GAS7: variants seen among roughly 807,000 people sequenced by gnomAD.
GAS7 encodes the protein growth arrest specific 7.
A neutral mutation model predicts 71.1 loss-of-function variants in GAS7; 28 were observed. That is an observed-to-expected ratio of 0.39 (90% CI 0.29 to 0.54). The LOEUF (loss-of-function observed/expected upper bound fraction) is 0.54, where lower values mean the gene tolerates loss of function less well. Ranked by LOEUF, GAS7 falls within the 20% of genes least tolerant of loss-of-function variation. The probability of loss-of-function intolerance (pLI) is 0.62; values close to 1 mark genes in which losing one functional copy is unlikely to be tolerated. For missense variants in GAS7, 436 were observed against 627.8 expected, an observed-to-expected ratio of 0.69 and a Z score of 3.27; for synonymous variants, 258 against 245.8, an observed-to-expected ratio of 1.05 and a Z score of -0.46.
chr17:9,982,796 AGGAAAGAAAGGAAAGAAAG>A (rs1372211238), intron 2 of GAS7, among the ~76,000 whole-genome samples: 4 of 81,220 alleles, frequency 4.9e-5, no homozygotes, highest in African/African-American at 3.0e-4. Flanking sequence ...AAAGAAAGAA[AGGAAAGAAAGGAAAGAAAG>A]GAAAGAAAGG....
At chr17:10,012,459 TG>T (rs2071813178) in intron 2 of GAS7, among the ~76,000 whole-genome samples, 1 of 151,858 alleles carries the variant, frequency 6.6e-6, no homozygotes, top group Admixed American at 6.6e-5. Flanking sequence ...GGCTAATTTT[TG>T]TATTTTTAAT....
intron 2 of GAS7, among the ~76,000 whole-genome samples, chr17:9,994,247 A>G (rs2070950326): frequency 6.6e-6 from 1 of 150,674 alleles, no homozygotes; most frequent in South Asian, 2.1e-4. Flanking sequence ...AAAAGAACAA[A>G]GCTGGAGGCA....
At chr17:9,980,065 A>G (rs1258528707) in intron 3 of GAS7, among the ~76,000 whole-genome samples, 1 of 149,624 alleles carries the variant, frequency 6.7e-6, no homozygotes, top group Non-Finnish European at 1.5e-5. Flanking sequence ...TTATTTTTTT[A>G]AAAATTTAAT....
chr17:10,165,112 G>A (rs759281847), intron 1 of GAS7, among the ~76,000 whole-genome samples: 1 of 147,388 alleles, frequency 6.8e-6, no homozygotes, highest in Non-Finnish European at 1.5e-5. Context: ...GTGAAACCCC[G>A]TCTCTACTAA....
At chr17:10,148,454 C>CAA (rs34252972) in intron 1 of GAS7, among the ~76,000 whole-genome samples, 6 of 141,938 alleles carry the variant, frequency 4.2e-5, no homozygotes, top group African/African-American at 1.3e-4. Context: ...ACTAAAATTA[C>CAA]AAAAAAAAAA....
intron 1 of GAS7, among the ~76,000 whole-genome samples, chr17:10,073,888 T>C (rs1001411262): frequency 2.0e-5 from 3 of 152,232 alleles, no homozygotes; most frequent in African/African-American, 7.2e-5. Flanking sequence ...TGTTTTCCCA[T>C]AGCCATTGAG....
chr17:10,009,522 T>C (rs909866373), intron 2 of GAS7, among the ~76,000 whole-genome samples: 5 of 152,032 alleles, frequency 3.3e-5, no homozygotes, highest in Admixed American at 2.6e-4. Flanking sequence ...ATAACACATT[T>C]ATAGATATAG....
intron 1 of GAS7, among the ~76,000 whole-genome samples, chr17:10,067,824 A>T (rs1483149632): frequency 6.6e-6 from 1 of 152,188 alleles, no homozygotes; most frequent in Non-Finnish European, 1.5e-5. Flanking sequence ...CTGTAAGTCT[A>T]AACAGAGGCT....
rs138245115 is a variant in GAS7, at chr17:10,102,692, G to A, written c.184-82795C>T. Among the ~76,000 whole-genome samples, 23 of 151,894 alleles carry A rather than the reference G, an allele frequency of 1.5e-4. 1 individual carries two copies. In the East Asian group the frequency reaches 4.5e-3, roughly 29 times the overall value. On this transcript the variant is annotated intron_variant, in intron 1 of 13. Coordinates refer to ENST00000432992, the MANE Select transcript of GAS7 (RefSeq NM_201433.2). Reference sequence around the variant, plus strand: ...GAGATTTTTTAAAGTAGGGTACCCAGGACACACTCTATACCAATTAATTCA... The same window carrying A: ...GAGATTTTTTAAAGTAGGGTACCCAAGACACACTCTATACCAATTAATTCA...
intron 1 of GAS7, among the ~76,000 whole-genome samples, chr17:10,197,683 C>T (rs901419811): frequency 6.6e-6 from 1 of 151,004 alleles, no homozygotes; most frequent in Admixed American, 6.6e-5. Flanking sequence ...GGGCTGGTGG[C>T]CAGCAGGCTC....
intron 1 of GAS7, among the ~76,000 whole-genome samples, chr17:10,172,533 G>GA (rs575581440): frequency 4.0e-5 from 6 of 151,452 alleles, no homozygotes; most frequent in South Asian, 2.1e-4. Flanking sequence ...AAAAGAAGAA[G>GA]AAAAAAAAAG....
intron 5 of GAS7, among the ~76,000 whole-genome samples, chr17:9,948,664 CAG>C (rs2068883454): frequency 6.6e-6 from 1 of 150,546 alleles, no homozygotes; most frequent in South Asian, 2.1e-4. Context: ...GCCTGGGTGA[CAG>C]AGTGAGACTC....
chr17:10,163,235 T>C (rs2142121382), intron 1 of GAS7, among the ~76,000 whole-genome samples: 1 of 152,216 alleles, frequency 6.6e-6, no homozygotes, highest in South Asian at 2.1e-4. Flanking sequence ...CTCAGCCTCC[T>C]GAGGAGCTGG....
chr17:10,005,805 C>G (rs1261044530), intron 2 of GAS7, among the ~76,000 whole-genome samples: 1 of 152,126 alleles, frequency 6.6e-6, no homozygotes, highest in African/African-American at 2.4e-5. Flanking sequence ...ACCTTGCCTG[C>G]CTGCCACCTC....
intron 3 of GAS7, among the ~76,000 whole-genome samples, chr17:9,971,388 A>G (rs2069955708): frequency 2.0e-5 from 3 of 152,188 alleles, no homozygotes; most frequent in African/African-American, 7.2e-5. Flanking sequence ...GTGAGACCTC[A>G]TCTCTACAAA....
intron 2 of GAS7, among the ~76,000 whole-genome samples, chr17:10,011,975 C>CAAAA (rs559918563): frequency 5.7e-5 from 5 of 87,024 alleles, no homozygotes; most frequent in Non-Finnish European, 1.3e-4. Context: ...AACTCCATCT[C>CAAAA]AAAAAAAAAA....
intron 1 of GAS7, among the ~76,000 whole-genome samples, chr17:10,049,916 G>A (rs146488565): frequency 0.017 from 2,519 of 151,968 alleles, 78 homozygotes; most frequent in African/African-American, 0.057. Flanking sequence ...CACCGCGCCC[G>A]GTCTGAAATT....
intron 1 of GAS7, among the ~76,000 whole-genome samples, chr17:10,113,079 G>T (rs1375233410): frequency 6.6e-6 from 1 of 152,112 alleles, no homozygotes; most frequent in Non-Finnish European, 1.5e-5. Flanking sequence ...TCCACTCACT[G>T]CCTGCATGGG....
At chr17:10,069,965 C>A (rs564329292) in intron 1 of GAS7, among the ~76,000 whole-genome samples, 10 of 152,292 alleles carry the variant, frequency 6.6e-5, no homozygotes, top group Admixed American at 4.6e-4. Context: ...AAAACTTTCT[C>A]CTCAATGTAA....
Sources: gnomAD v4.1 joint callset for allele counts (sites outside exome capture counted in the v4.1 genomes callset) on GRCh38, gnomAD v4.1.1 for gene constraint, MANE v1.5 for transcripts, NCBI Gene and HGNC (gene_info 2026-07-23, HGNC 2026-07-21) for gene names.